The following GSE1 variants were observed in gnomAD, a reference collection of about 807,000 sequenced individuals.
The protein encoded by GSE1 is Gse1 coiled-coil protein.
GSE1 carries 32 observed loss-of-function variants against 112.6 expected under a neutral mutation model. That is an observed-to-expected ratio of 0.28 (90% confidence interval 0.21 to 0.38). The LOEUF is 0.38. GSE1 is among the 10% of genes least tolerant of loss of function. The probability of loss-of-function intolerance (pLI) is 1.00; values close to 1 mark genes in which losing one functional copy is unlikely to be tolerated. For synonymous variants in GSE1, 1,115 were observed against 735.6 expected (o/e 1.52, Z -8.35); for missense variants, 2,348 against 1,699.2 (o/e 1.38, Z -6.71).
chr16:85,608,552 T>A (rs2047816069), upstream of GSE1, among the ~76,000 whole-genome samples: 1 of 152,158 alleles, frequency 6.6e-6, no homozygotes, highest in South Asian at 2.1e-4. Flanking sequence ...TGTATCTTTC[T>A]TAATAATCAG....
At chr16:85,335,667 C>G (rs556541857) in intron 1 of GSE1, among the ~76,000 whole-genome samples, 4 of 152,292 alleles carry the variant, frequency 2.6e-5, no homozygotes, top group Admixed American at 2.0e-4. Context: ...ATGCCCGGCA[C>G]CACCAACAGT....
intron 2 of GSE1, chr16:85,463,077 C>T (rs1322422596): frequency 8.1e-6 from 8 of 984,932 alleles, no homozygotes; most frequent in Non-Finnish European, 9.6e-6. Flanking sequence ...CGGGGGGCGG[C>T]GCAGGATGCT....
At chr16:85,549,309 G>A (rs1021734287) in intron 2 of GSE1, among the ~76,000 whole-genome samples, 4 of 151,966 alleles carry the variant, frequency 2.6e-5, no homozygotes, top group Non-Finnish European at 2.9e-5. Flanking sequence ...CATGTAGCTG[G>A]GACTATAGGC....
intron 13 of GSE1, among the ~76,000 whole-genome samples, chr16:85,667,784 G>C (rs984356357): frequency 2.6e-5 from 4 of 152,172 alleles, no homozygotes; most frequent in Non-Finnish European, 5.9e-5. Flanking sequence ...GCTTGAACCT[G>C]GGAGGGGAAG....
chr16:85,211,015 C>T (rs545516370), intron 1 of GSE1, among the ~76,000 whole-genome samples: 2 of 152,364 alleles, frequency 1.3e-5, no homozygotes, highest in East Asian at 3.9e-4. Flanking sequence ...GACTGTGCCA[C>T]TTGACCTTGC....
chr16:85,231,266 G>A lies in GSE1; in HGVS notation c.2283+59459G>A, dbSNP rs567961062. Among the ~76,000 whole-genome samples, 7 of 151,388 alleles carry A rather than the reference G, an allele frequency of 4.6e-5. No individual in the cohort carries two copies. The South Asian group carries it at 1.1e-3, about 23-fold the overall frequency. ...AGCTGGACAGAGGGATGGATGGATGGACAGATGAATGGATGGATGAAAGGA... is the reference window on the plus strand; with the variant it reads ...AGCTGGACAGAGGGATGGATGGATGAACAGATGAATGGATGGATGAAAGGA... On this transcript the variant is annotated intron_variant, in intron 1 of 2. Transcript: ENST00000637419.
At chr16:85,523,236 G>A (rs770408809) in intron 2 of GSE1, among the ~76,000 whole-genome samples, 4 of 147,256 alleles carry the variant, frequency 2.7e-5, no homozygotes, top group Admixed American at 6.7e-5. Flanking sequence ...CCTGTGTGTT[G>A]TGTGCGTGTG....
At chr16:85,285,494 C>A (rs1392545903) in intron 1 of GSE1, 1 of 152,042 alleles carries the variant, frequency 6.6e-6, no homozygotes, top group Non-Finnish European at 1.5e-5. Context: ...CCAGCCTGGC[C>A]AACATGATGA....
chr16:85,357,428 C>T, intron 1 of GSE1: 1 of 1,171,480 alleles, frequency 8.5e-7, no homozygotes, highest in Non-Finnish European at 1.1e-6. Context: ...GCAGGCATGG[C>T]CCAGGCTCAC....
rs770717155 is a variant in GSE1, at chr16:85,668,263, C to T, written c.3254C>T (p.Pro1085Leu). The T allele has an allele frequency of 2.5e-6, 4 of 1,611,408 alleles. No homozygotes were observed. The South Asian group carries it at 3.3e-5, about 13-fold the overall frequency. ...PPPQHNGQQEPPTARKGPPTQ... is the reference protein window; with the variant it reads ...PPPQHNGQQELPTARKGPPTQ... ...CCCCAGCACAATGGGCAGCAGGAGC[C>T]CCCCACTGCAAGGAAGGGCCCCCCA... is the stretch of plus-strand genomic sequence containing the variant. The change falls in exon 14 of 16, where the codon CCC (proline) becomes CTC (leucine). Residue 1085 changes from proline (P) to leucine (L), a missense_variant. Pro to Leu is a moderately conservative substitution (Grantham distance 98, BLOSUM62 -3). Transcript: ENST00000253458.
At chr16:85,538,243 C>T (rs1480637982) in intron 2 of GSE1, among the ~76,000 whole-genome samples, 2 of 152,256 alleles carry the variant, frequency 1.3e-5, no homozygotes, top group Non-Finnish European at 2.9e-5. Context: ...CTAAATATTG[C>T]CTCTGCCCTT....
At chr16:85,575,470 TC>T (rs1567606728) in intron 1 of GSE1, among the ~76,000 whole-genome samples, 1 of 152,080 alleles carries the variant, frequency 6.6e-6, no homozygotes, top group Non-Finnish European at 1.5e-5. Context: ...GGGACCGGCT[TC>T]CCTCTCGTCT....
chr16:85,208,441 A>G (rs1402913063), intron 1 of GSE1, among the ~76,000 whole-genome samples: 1 of 152,176 alleles, frequency 6.6e-6, no homozygotes, highest in Non-Finnish European at 1.5e-5. Flanking sequence ...GCCCTGGACC[A>G]GGCCCCTTCC....
chr16:85,456,958 A>G (rs1209513720), intron 2 of GSE1, among the ~76,000 whole-genome samples: 9 of 152,162 alleles, frequency 5.9e-5, no homozygotes, highest in African/African-American at 2.2e-4. Flanking sequence ...AAGTCACAAG[A>G]GACCAACTCC....
intron 1 of GSE1, among the ~76,000 whole-genome samples, chr16:85,213,060 G>A (rs2075252188): frequency 6.6e-6 from 1 of 152,122 alleles, no homozygotes; most frequent in African/African-American, 2.4e-5. Context: ...CATGAGGTCA[G>A]GAGATCGAGA....
chr16:85,627,439 G>A (rs2049170332), intron 1 of GSE1, among the ~76,000 whole-genome samples: 1 of 152,002 alleles, frequency 6.6e-6, no homozygotes, highest in Non-Finnish European at 1.5e-5. Context: ...CTCAGTTTGA[G>A]GGTGCCCAGG....
chr16:85,319,795 T>C (rs2046063132), intron 1 of GSE1, among the ~76,000 whole-genome samples: 1 of 152,222 alleles, frequency 6.6e-6, no homozygotes, highest in Non-Finnish European at 1.5e-5. Context: ...TAGACCTTCT[T>C]TGAAGGCCTT....
intron 1 of GSE1, among the ~76,000 whole-genome samples, chr16:85,574,483 C>G (rs1038267393): frequency 1.3e-5 from 2 of 152,202 alleles, no homozygotes; most frequent in Non-Finnish European, 2.9e-5. Context: ...CAGCAGTAGC[C>G]GAACTCTGCG....
chr16:85,620,608 G>T lies in GSE1; in HGVS notation c.7+7210G>T, dbSNP rs986782292. On this transcript the variant is annotated intron_variant, in intron 1 of 15. Coordinates refer to ENST00000253458, the MANE Select transcript of GSE1 (RefSeq NM_014615.5). ...TCTCTGCCGCCCGTCGGGAGGGTGC[G>T]GTTAGTCACCCCGTAACAGATAAGA... Among the ~76,000 whole-genome samples the T allele has an allele frequency of 3.9e-5, 6 of 152,262 alleles. 1 individual carries two copies. Among genetic ancestry groups the T allele is most frequent in the Non-Finnish European group, 7.3e-5 (5 of 68,048 alleles).
Sources: allele counts gnomAD v4.1 joint callset (sites outside exome capture counted in the v4.1 genomes callset), GRCh38; gene constraint gnomAD v4.1.1; transcripts MANE v1.5; gene names NCBI Gene and HGNC (gene_info 2026-07-23, HGNC 2026-07-21).